Variants in ADORA2B observed in about 807,000 individuals in gnomAD.
The protein encoded by ADORA2B is adenosine receptor A2b.
Under a neutral mutation model 20.8 loss-of-function variants are expected in ADORA2B, and 18 were observed. The observed-to-expected ratio is 0.87, with a 90% confidence interval of 0.60 to 1.29. The LOEUF is 1.29. ADORA2B is among the 50% of genes most tolerant of loss of function. The probability of loss-of-function intolerance (pLI) is 0.00; values close to 1 mark genes in which losing one functional copy is unlikely to be tolerated. For missense variants in ADORA2B, 441 were observed against 422.7 expected, an observed-to-expected ratio of 1.04 and a Z score of -0.38; for synonymous variants, 179 against 178.3, an observed-to-expected ratio of 1.00 and a Z score of -0.03.
At chr17:15,933,327 T>A in the ADORA2B span, among the ~76,000 whole-genome samples, 52 of 152,192 alleles carry the variant, frequency 3.4e-4, 1 homozygote, top group Admixed American at 2.0e-4. Flanking sequence ...TAGGATCAGC[T>A]TGTCAATTTT....
chr17:15,947,945 G>T (rs541434091), intron 1 of ADORA2B, among the ~76,000 whole-genome samples: 35 of 152,202 alleles, frequency 2.3e-4, no homozygotes, highest in Non-Finnish European at 4.4e-4. Context: ...GACTGACACA[G>T]GCTGGGTGCA....
chr17:15,876,284 G>C, the ADORA2B span, among the ~76,000 whole-genome samples: 3 of 152,000 alleles, frequency 2.0e-5, no homozygotes, highest in Non-Finnish European at 1.5e-5. Flanking sequence ...CTATTTGCCA[G>C]TGTTGCAGCA....
the ADORA2B span, among the ~76,000 whole-genome samples, chr17:15,918,759 G>A: frequency 1.3e-5 from 2 of 152,174 alleles, no homozygotes; most frequent in African/African-American, 4.8e-5. Context: ...GTAAGCCACC[G>A]CGCCTGGCCA....
the ADORA2B span, among the ~76,000 whole-genome samples, chr17:15,924,813 G>A: frequency 2.6e-5 from 4 of 151,014 alleles, no homozygotes; most frequent in Admixed American, 1.3e-4. Flanking sequence ...TCCTTTCCCT[G>A]TTTACCCCCC....
chr17:15,964,831 G>A (rs1410977480), intron 1 of ADORA2B, among the ~76,000 whole-genome samples: 3 of 151,946 alleles, frequency 2.0e-5, no homozygotes, highest in East Asian at 1.9e-4. Context: ...GGAGGCCAAG[G>A]TGGGCGAATC....
chr17:15,933,579 T>C, the ADORA2B span, among the ~76,000 whole-genome samples: 3 of 144,902 alleles, frequency 2.1e-5, no homozygotes, highest in African/African-American at 7.8e-5. Flanking sequence ...GTTGTTTTCT[T>C]AATTTTAAGA....
At chr17:15,947,545 G>A (rs572136532) in intron 1 of ADORA2B, among the ~76,000 whole-genome samples, 2 of 152,222 alleles carry the variant, frequency 1.3e-5, no homozygotes, top group South Asian at 2.1e-4. Context: ...ACTGAGGCTC[G>A]CCCCATCCTG....
At chr17:15,860,575 C>G in the ADORA2B span, among the ~76,000 whole-genome samples, 1 of 152,062 alleles carries the variant, frequency 6.6e-6, no homozygotes, top group South Asian at 2.1e-4. Flanking sequence ...GGGTTTAATG[C>G]TCTGATGACA....
chr17:15,868,713 G>A, the ADORA2B span, among the ~76,000 whole-genome samples: 1,109 of 103,642 alleles, frequency 0.011, 42 homozygotes, highest in African/African-American at 0.032. Context: ...CCAGGAGGTG[G>A]AGGTTGCAGT....
chr17:15,975,243 T>A lies in ADORA2B; in HGVS notation c.900T>A (p.Thr300=). 2 of 1,613,924 alleles carry A rather than the reference T, an allele frequency of 1.2e-6. No individual in the cohort carries two copies. Among genetic ancestry groups the A allele is most frequent in the East Asian group, 4.5e-5 (2 of 44,876 alleles). The change falls in exon 2 of 2, where the codon ACT becomes ACA. Residue 300 remains threonine (T), a synonymous_variant. Transcript: ENST00000304222. ...ACCGGAACCGAGACTTCCGCTACAC[T>A]TTTCACAAAATTATCTCCAGGTATC... ...YAYRNRDFRY[T]FHKIISRYLL...
the ADORA2B span, among the ~76,000 whole-genome samples, chr17:15,880,426 G>A: frequency 7.0e-4 from 97 of 139,144 alleles, 1 homozygote; most frequent in East Asian, 0.018. Flanking sequence ...GCAGGGTCTG[G>A]GCCCAGGTGC....
the ADORA2B span, among the ~76,000 whole-genome samples, chr17:15,857,999 C>G: frequency 7.0e-6 from 1 of 142,486 alleles, no homozygotes; most frequent in African/African-American, 2.5e-5. Flanking sequence ...TTTCTTCATC[C>G]ATTCATCTGG....
At chr17:15,966,540 T>C (rs1291733961) in intron 1 of ADORA2B, among the ~76,000 whole-genome samples, 1 of 152,232 alleles carries the variant, frequency 6.6e-6, no homozygotes, top group Non-Finnish European at 1.5e-5. Flanking sequence ...GGCCAGTGCT[T>C]GTTATGCAGG....
chr17:15,926,463 C>T, the ADORA2B span, among the ~76,000 whole-genome samples: 84 of 151,734 alleles, frequency 5.5e-4, no homozygotes, highest in African/African-American at 1.8e-3. Context: ...GAAAGGTATG[C>T]GGGGGGAACC....
chr17:15,942,095 C>T (rs1329283212), upstream of ADORA2B, among the ~76,000 whole-genome samples: 1 of 152,142 alleles, frequency 6.6e-6, no homozygotes, highest in African/African-American at 2.4e-5. Flanking sequence ...GGGCACAGCC[C>T]TGTGCTGGAG....
rs769033513 is a variant in ADORA2B, at chr17:15,974,929, C to T, written c.586C>T (p.Leu196Phe). Residue 196 changes from leucine to phenylalanine, a missense_variant, in exon 2 of 2, where the codon CTT becomes TTT. Transcript: ENST00000304222. ...CTTTGGGTGTGTTCTGCCCCCACTG[C>T]TTATAATGCTGGTGATCTACATTAA... ...NFFGCVLPPL[L>F]IMLVIYIKIF... The T allele has an allele frequency of 6.8e-6, 11 of 1,614,022 alleles. No homozygotes were observed. The highest frequency in any genetic ancestry group is 9.3e-6 in the Non-Finnish European group (11 of 1,180,040).
chr17:15,940,246 G>A (rs11657647), upstream of ADORA2B, among the ~76,000 whole-genome samples: 1,985 of 152,284 alleles, frequency 0.013, 23 homozygotes, highest in Non-Finnish European at 0.022. Context: ...GAGTCTGGTC[G>A]TGTCCATCTC....
chr17:15,894,616 T>C, the ADORA2B span, among the ~76,000 whole-genome samples: 10 of 152,068 alleles, frequency 6.6e-5, no homozygotes. Flanking sequence ...GCAACGCAGA[T>C]GGAAAGACAT....
the ADORA2B span, among the ~76,000 whole-genome samples, chr17:15,868,485 A>G: frequency 7.2e-6 from 1 of 139,240 alleles, no homozygotes; most frequent in Non-Finnish European, 1.6e-5. Flanking sequence ...GAAATTGTTT[A>G]TTCATGGCCG....
Sources: allele counts gnomAD v4.1 joint callset (sites outside exome capture counted in the v4.1 genomes callset), GRCh38; gene constraint gnomAD v4.1.1; transcripts MANE v1.5; gene names NCBI Gene and HGNC (gene_info 2026-07-23, HGNC 2026-07-21).